NAA38: variants seen among roughly 807,000 people sequenced by gnomAD.
The protein encoded by NAA38 is N-alpha-acetyltransferase 38, NatC auxiliary subunit.
In NAA38, 15 loss-of-function variants were observed where a neutral mutation model predicts 12.6. That is an observed-to-expected ratio of 1.19 (90% CI 0.79 to 1.83). NAA38 has a LOEUF of 1.83. Ranked by LOEUF, NAA38 falls within the 40% of genes most tolerant of loss-of-function variation. NAA38 has a pLI of 0.00. For synonymous variants in NAA38, 88 were observed against 69.9 expected (o/e 1.26, Z -1.29); for missense variants, 183 against 171.7 (o/e 1.07, Z -0.37).
rs760148454 is a variant in NAA38 at position 7,857,413 on chromosome 17, G to A, written c.51C>T (p.Cys17=). 19 of 1,597,176 alleles carry A rather than the reference G, an allele frequency of 1.2e-5. No homozygotes were observed. Among genetic ancestry groups the A allele is most frequent in the Middle Eastern group, 1.7e-4 (1 of 6,026 alleles). ...TMLLREENGC[C]SRRQSSSSAG... ...CACTGGAGCTGCTCTGACGCCGACT[G>A]CAACAGCCATTCTCTTCTCGTAGCA... The change falls in exon 1 of 3, where the codon TGC becomes TGT. Residue 17 remains cysteine, a synonymous_variant. Coordinates refer to ENST00000575771, the MANE Select transcript of NAA38 (RefSeq NM_001320925.4).
At chr17:7,856,939 C>G in intron 2 of NAA38, 76 bp downstream of exon 2, 1 of 1,590,056 alleles carries the variant, frequency 6.3e-7, no homozygotes, top group Non-Finnish European at 8.6e-7. Context: ...GGGTTGCAGC[C>G]AGGCCCTTAA....
At chr17:7,876,364 C>T (rs1967175639) in intron 2 of NAA38, among the ~76,000 whole-genome samples, 2 of 152,016 alleles carry the variant, frequency 1.3e-5, no homozygotes. Flanking sequence ...TTCAAAGTTC[C>T]CCCAAGGTTC....
intron 2 of NAA38, among the ~76,000 whole-genome samples, chr17:7,873,804 A>G (rs1310936185): frequency 6.6e-6 from 1 of 152,196 alleles, no homozygotes; most frequent in Non-Finnish European, 1.5e-5. Flanking sequence ...ATGATAATCT[A>G]TCTCCTGGAA....
At chr17:7,884,457 CATATATAT>C (rs377079849) in intron 1 of NAA38, among the ~76,000 whole-genome samples, 7 of 130,834 alleles carry the variant, frequency 5.4e-5, no homozygotes, top group African/African-American at 1.1e-4. Context: ...TATATATATA[CATATATAT>C]ATATATATAT....
At chr17:7,859,017 G>C, upstream of NAA38, 1 of 573,000 alleles carries the variant, frequency 1.7e-6, no homozygotes, top group Non-Finnish European at 3.0e-6. Flanking sequence ...GGGTCACAGG[G>C]GGACAAGAGA....
intron 2 of NAA38, among the ~76,000 whole-genome samples, chr17:7,866,979 G>A (rs1356791909): frequency 1.3e-5 from 2 of 152,160 alleles, no homozygotes; most frequent in African/African-American, 4.8e-5. Flanking sequence ...AACCCAGTTC[G>A]GGGGGACCAA....
At chr17:7,875,303 G>T (rs1967156851) in intron 2 of NAA38, among the ~76,000 whole-genome samples, 1 of 151,742 alleles carries the variant, frequency 6.6e-6, no homozygotes, top group Non-Finnish European at 1.5e-5. Flanking sequence ...CTTTAAAGGT[G>T]ACCAAATGAC....
chr17:7,859,466 G>GC, upstream of NAA38: 1 of 1,614,162 alleles, frequency 6.2e-7, no homozygotes, highest in Non-Finnish European at 8.5e-7. Flanking sequence ...GTGGAAATAT[G>GC]AAGGGAAGAA....
intron 2 of NAA38, among the ~76,000 whole-genome samples, chr17:7,876,872 T>C (rs1224610193): frequency 6.6e-6 from 1 of 152,226 alleles, no homozygotes; most frequent in Non-Finnish European, 1.5e-5. Flanking sequence ...CCAGGAATAT[T>C]CTATGGATAT....
chr17:7,867,339 T>C (rs1385077364), intron 2 of NAA38, among the ~76,000 whole-genome samples: 2 of 152,076 alleles, frequency 1.3e-5, no homozygotes, highest in East Asian at 3.9e-4. Context: ...AAGTGTTTTA[T>C]GTTTTGTTTT....
rs919203812 is a variant in NAA38, at chr17:7,872,029, G to T, written c.-65-5471C>A. 3.9e-5 allele frequency among the ~76,000 whole-genome samples: 6 copies of T among 152,232 alleles called. No homozygotes were observed. The South Asian group carries it at 1.2e-3, about 32-fold the overall frequency. ...CCCTTCCAATAATTTTGTAAGCCCT[G>T]GTTTCCTGGATAAAGTATCTTTCTG... On this transcript the variant is annotated intron_variant, in intron 2 of 4. Transcript: ENST00000576861.
At chr17:7,857,567 C>T, upstream of NAA38, 1 of 1,405,856 alleles carries the variant, frequency 7.1e-7, no homozygotes, top group Non-Finnish European at 9.2e-7. Context: ...TTCGCGAGAT[C>T]CCCTCTCCTC....
At chr17:7,867,407 C>T (rs1304649505) in intron 2 of NAA38, among the ~76,000 whole-genome samples, 3 of 152,138 alleles carry the variant, frequency 2.0e-5, no homozygotes, top group East Asian at 3.8e-4. Flanking sequence ...GGCATGATCT[C>T]GGCTCACTGC....
chr17:7,875,619 G>A (rs1344317724), intron 2 of NAA38, among the ~76,000 whole-genome samples: 1 of 152,188 alleles, frequency 6.6e-6, no homozygotes, highest in East Asian at 1.9e-4. Flanking sequence ...TTACAGGTGT[G>A]AGTCACTGTA....
upstream of NAA38, chr17:7,859,343 T>C (rs2078864823): frequency 1.3e-6 from 2 of 1,544,504 alleles, no homozygotes; most frequent in Non-Finnish European, 1.8e-6. Context: ...GTATACTCCA[T>C]CCAGAATTCT....
chr17:7,860,587 G>C (rs1345316682), upstream of NAA38: 1 of 152,066 alleles, frequency 6.6e-6, no homozygotes, highest in African/African-American at 2.4e-5. Context: ...CAATATAAAG[G>C]GACCATCTCA....
chr17:7,872,012 A>G (rs1597880763), intron 2 of NAA38, among the ~76,000 whole-genome samples: 1 of 152,132 alleles, frequency 6.6e-6, no homozygotes, highest in Admixed American at 6.5e-5. Flanking sequence ...GGCCCTTCCA[A>G]TAATTTTGTA....
chr17:7,874,389 A>G (rs1180884198), intron 2 of NAA38, among the ~76,000 whole-genome samples: 1 of 152,180 alleles, frequency 6.6e-6, no homozygotes, highest in Non-Finnish European at 1.5e-5. Context: ...GGTGATGAAT[A>G]GATCATTCAT....
At chr17:7,867,424 C>T (rs1407031480) in intron 2 of NAA38, among the ~76,000 whole-genome samples, 2 of 152,076 alleles carry the variant, frequency 1.3e-5, no homozygotes, top group Non-Finnish European at 2.9e-5. Flanking sequence ...CTGCAACCTT[C>T]GCCTCCCAGG....
Sources: gnomAD v4.1 joint callset for allele counts (sites outside exome capture counted in the v4.1 genomes callset) on GRCh38, gnomAD v4.1.1 for gene constraint, MANE v1.5 for transcripts, NCBI Gene and HGNC (gene_info 2026-07-23, HGNC 2026-07-21) for gene names.